SOS2: variants seen among roughly 807,000 people sequenced by gnomAD.
SOS2 encodes the protein SOS Ras/Rho guanine nucleotide exchange factor 2.
SOS2 carries 65 observed loss-of-function variants against 148.2 expected under a neutral mutation model. That is an observed-to-expected ratio of 0.44 (90% confidence interval 0.36 to 0.54). The LOEUF (loss-of-function observed/expected upper bound fraction) is 0.54, where lower values mean the gene tolerates loss of function less well. Ranked by LOEUF, SOS2 falls within the 20% of genes least tolerant of loss-of-function variation. SOS2 has a pLI of 0.00. For missense variants in SOS2, 1,341 were observed against 1,590.2 expected, an observed-to-expected ratio of 0.84 and a Z score of 2.67; for synonymous variants, 539 against 537.1, an observed-to-expected ratio of 1.00 and a Z score of -0.05.
intron 7 of SOS2, 29 bp from the exon 8 acceptor site, chr14:50,174,581 T>A: frequency 7.3e-7 from 1 of 1,368,184 alleles, no homozygotes; most frequent in Non-Finnish European, 1.0e-6. Context: ...TCACAGTATG[T>A]ATGTCTCTGA....
At chr14:50,140,811 G>C (rs1594966435) in intron 16 of SOS2, among the ~76,000 whole-genome samples, 2 of 152,224 alleles carry the variant, frequency 1.3e-5, no homozygotes, top group East Asian at 3.9e-4. Flanking sequence ...TCTACATATA[G>C]AATGTTAATG....
intron 8 of SOS2, among the ~76,000 whole-genome samples, chr14:50,173,677 T>C (rs983220043): frequency 6.6e-6 from 1 of 152,164 alleles, no homozygotes; most frequent in Non-Finnish European, 1.5e-5. Context: ...CGCCTCGGCC[T>C]CCCAAAGTGC....
At chr14:50,204,908 T>G (rs939389942) in intron 1 of SOS2, among the ~76,000 whole-genome samples, 1 of 142,160 alleles carries the variant, frequency 7.0e-6, no homozygotes, top group Admixed American at 7.1e-5. Flanking sequence ...TTCTTTCTTT[T>G]TTTTTTTAAG....
rs1883317593 is a variant in SOS2 at position 50,117,403 on chromosome 14, A to C, written c.*941T>G. ...CCAATCTAAAAAATATATTTAAAAA[A>C]AATTTCAGTTAACACGAGATTTATA... On this transcript the variant is annotated 3_prime_UTR_variant, in exon 23 of 23. Coordinates refer to ENST00000216373, the MANE Select transcript of SOS2 (RefSeq NM_006939.4). 1 of 152,248 alleles carries C rather than the reference A, an allele frequency of 6.6e-6. No individual in the cohort carries two copies. The highest frequency in any genetic ancestry group is 2.4e-5 in the African/African-American group (1 of 41,464). The allele number at this position is 152,248 out of a possible 1,614,324, so 9.4% of individuals were successfully genotyped here.
At chr14:50,135,853 TATA>T (rs138556598) in intron 18 of SOS2, among the ~76,000 whole-genome samples, 3,745 of 151,748 alleles carry the variant, frequency 0.025, 163 homozygotes, top group African/African-American at 0.084. Context: ...TTTTTGCTAT[TATA>T]ATAATTATTT....
Position 50,149,252 on chromosome 14 carries a change from G to C in SOS2, c.2384+756C>G, listed in dbSNP as rs150091529. On this transcript the variant is annotated intron_variant, in intron 14 of 22. Coordinates refer to ENST00000216373, the MANE Select transcript of SOS2 (RefSeq NM_006939.4). The stretch of plus-strand genomic sequence containing the variant: ...ATACTACTCACAATAGCTATGATAT[G>C]GAATCAACAGATTAATGAATAAAGA... Among the ~76,000 whole-genome samples, 743 of 152,110 alleles carry C rather than the reference G, an allele frequency of 4.9e-3. 10 individuals carry two copies. The highest frequency in any genetic ancestry group is 0.017 in the African/African-American group (694 of 41,498).
intron 8 of SOS2, among the ~76,000 whole-genome samples, chr14:50,173,324 AAT>A (rs1307222778): frequency 1.3e-5 from 2 of 152,166 alleles, no homozygotes; most frequent in Non-Finnish European, 2.9e-5. Flanking sequence ...CTAGGCAAGG[AAT>A]ATATATGATT....
chr14:50,165,990 C>T (rs927919444), intron 8 of SOS2, among the ~76,000 whole-genome samples: 2 of 152,092 alleles, frequency 1.3e-5, no homozygotes, highest in Admixed American at 6.6e-5. Context: ...ACTAATACCC[C>T]GTGGCTCTAC....
chr14:50,200,923 C>T (rs76647674), intron 3 of SOS2, 30 bp downstream of exon 3: 3 of 1,601,018 alleles, frequency 1.9e-6, no homozygotes, highest in Admixed American at 1.7e-5. Context: ...ATAAAGAACA[C>T]CCCCCAACTA....
chr14:50,230,415 A>C (rs760107084), intron 1 of SOS2, among the ~76,000 whole-genome samples: 8 of 152,206 alleles, frequency 5.3e-5, no homozygotes, highest in Non-Finnish European at 7.3e-5. Context: ...TTTATTATAA[A>C]AATGATCGTA....
At chr14:50,165,532 G>C (rs1170747050) in intron 8 of SOS2, among the ~76,000 whole-genome samples, 1 of 152,310 alleles carries the variant, frequency 6.6e-6, no homozygotes, top group Middle Eastern at 3.4e-3. Context: ...CCTAAGCAGA[G>C]CTAGTAACTC....
chr14:50,139,666 A>G lies in SOS2; in HGVS notation c.2785+276T>C, dbSNP rs7154299. On this transcript the variant is annotated intron_variant, in intron 17 of 22. Coordinates refer to ENST00000216373, the MANE Select transcript of SOS2 (RefSeq NM_006939.4). ...TGTAGATGTGACATAGATAGTTATG[A>G]TAAAAATAACAGTTACCATTTCATG... 0.87 allele frequency among the ~76,000 whole-genome samples: 132,319 copies of G among 152,238 alleles called. 57,593 individuals carry two copies. The highest frequency in any genetic ancestry group is 0.92 in the East Asian group (4,765 of 5,192).
chr14:50,215,486 AT>A, intron 1 of SOS2: 3 of 1,241,244 alleles, frequency 2.4e-6, no homozygotes, highest in African/African-American at 3.2e-5. Flanking sequence ...TGCCTATCAT[AT>A]TTTTTGAAAG....
At chr14:50,228,693 C>T (rs2139883758) in intron 1 of SOS2, among the ~76,000 whole-genome samples, 1 of 152,296 alleles carries the variant, frequency 6.6e-6, no homozygotes, top group East Asian at 1.9e-4. Context: ...CTTTCATAGA[C>T]ACACAAATAC....
chr14:50,209,686 A>G (rs1170167028), intron 1 of SOS2, among the ~76,000 whole-genome samples: 1 of 151,606 alleles, frequency 6.6e-6, no homozygotes, highest in African/African-American at 2.4e-5. Context: ...CTGAACCCGG[A>G]GGTCGAGGCT....
intron 1 of SOS2, among the ~76,000 whole-genome samples, chr14:50,226,599 C>G (rs1472627104): frequency 6.6e-6 from 1 of 152,176 alleles, no homozygotes; most frequent in African/African-American, 2.4e-5. Context: ...AGCAAATTGT[C>G]ACAGGGTGGG....
chr14:50,129,245 G>A lies in SOS2; in HGVS notation c.3379+716C>T, dbSNP rs978327471. On this transcript the variant is annotated intron_variant, in intron 21 of 22. Coordinates refer to ENST00000216373, the MANE Select transcript of SOS2 (RefSeq NM_006939.4). The stretch of plus-strand genomic sequence containing the variant: ...AAAAATAAGTGACTGAGGATATCCC[G>A]GGAACCTGATAAACATTTACTATAT... 3.9e-5 allele frequency among the ~76,000 whole-genome samples: 6 copies of A among 152,212 alleles called. 1 individual carries two copies. Among genetic ancestry groups the A allele is most frequent in the Middle Eastern group, 3.4e-3 (1 of 294 alleles).
chr14:50,168,763 A>AGAAGGCTG (rs1266457599), intron 8 of SOS2, among the ~76,000 whole-genome samples: 2 of 152,230 alleles, frequency 1.3e-5, no homozygotes, highest in African/African-American at 4.8e-5. Context: ...ATCATAAGAA[A>AGAAGGCTG]GAAGGCTGGA....
chr14:50,216,021 T>C (rs1472747735), intron 1 of SOS2, among the ~76,000 whole-genome samples: 1 of 152,198 alleles, frequency 6.6e-6, no homozygotes, highest in Non-Finnish European at 1.5e-5. Flanking sequence ...TGCCAAGATT[T>C]CCACAAGGAT....
Sources: gnomAD v4.1 joint callset for allele counts (sites outside exome capture counted in the v4.1 genomes callset) on GRCh38, gnomAD v4.1.1 for gene constraint, MANE v1.5 for transcripts, NCBI Gene and HGNC (gene_info 2026-07-23, HGNC 2026-07-21) for gene names.